SF3B3: variants seen among roughly 807,000 people sequenced by gnomAD.
SF3B3 encodes the protein splicing factor 3b subunit 3, also known as SAP 130.
A neutral mutation model predicts 139.2 loss-of-function variants in SF3B3; 33 were observed. The observed-to-expected ratio is 0.24, with a 90% CI of 0.18 to 0.32. SF3B3 has a LOEUF of 0.32. Ranked by LOEUF, SF3B3 falls within the 10% of genes least tolerant of loss-of-function variation. SF3B3 has a pLI of 1.00. For synonymous variants in SF3B3, 596 were observed against 563.6 expected (o/e 1.06, Z -0.81); for missense variants, 818 against 1,509.4 (o/e 0.54, Z 7.59).
At chr16:70,569,906 A>G in intron 23 of SF3B3, 100 bp from the exon 24 acceptor site, 1 of 1,337,882 alleles carries the variant, frequency 7.5e-7, no homozygotes, top group Non-Finnish European at 1.0e-6. Context: ...TTGGATGTTA[A>G]TAGATGATGA....
chr16:70,526,865 G>A (rs191857215), intron 2 of SF3B3, 139 bp downstream of exon 2: 44 of 644,808 alleles, frequency 6.8e-5, no homozygotes, highest in Middle Eastern at 3.9e-4. Flanking sequence ...ATGAGATGAG[G>A]TGTTAAGTTC....
intron 11 of SF3B3, among the ~76,000 whole-genome samples, chr16:70,552,501 G>A (rs1399530124): frequency 6.6e-6 from 1 of 152,192 alleles, no homozygotes; most frequent in East Asian, 1.9e-4. Context: ...TTATGATAGT[G>A]AGTAGTGCTT....
chr16:70,545,366 C>G (rs1415197595), intron 10 of SF3B3, among the ~76,000 whole-genome samples: 7 of 152,218 alleles, frequency 4.6e-5, no homozygotes, highest in Admixed American at 3.9e-4. Flanking sequence ...CGCACCTGGC[C>G]AAGTAGCATA....
intron 23 of SF3B3, 63 bp downstream of exon 23, chr16:70,569,204 G>A: frequency 8.5e-7 from 1 of 1,169,750 alleles, no homozygotes; most frequent in Non-Finnish European, 1.2e-6. Context: ...TGCCCTCACT[G>A]AAGAAATTGC....
At chr16:70,534,818 A>G (rs1284980287) in intron 5 of SF3B3, among the ~76,000 whole-genome samples, 1 of 151,886 alleles carries the variant, frequency 6.6e-6, no homozygotes, top group Admixed American at 6.6e-5. Flanking sequence ...ACAGGCGCCC[A>G]CCACCATGCC....
chr16:70,567,716 C>T (rs1233006047), intron 21 of SF3B3, among the ~76,000 whole-genome samples, 180 bp downstream of exon 21: 2 of 152,196 alleles, frequency 1.3e-5, no homozygotes, highest in Non-Finnish European at 2.9e-5. Flanking sequence ...GACGGAGTCT[C>T]GCCCTGTTGC....
At chr16:70,555,274 C>G in intron 13 of SF3B3, 68 bp downstream of exon 13, 1 of 1,405,424 alleles carries the variant, frequency 7.1e-7, no homozygotes, top group Non-Finnish European at 1.0e-6. Context: ...GCATTGTAGT[C>G]TAGTCATTTA....
At chr16:70,569,788 C>T (rs2050510849) in intron 23 of SF3B3, 2 of 518,344 alleles carry the variant, frequency 3.9e-6, no homozygotes, top group Non-Finnish European at 6.9e-6. Flanking sequence ...GCCACCAAAC[C>T]TGGCAGATTT....
chr16:70,544,870 C>G (rs1386543280), intron 10 of SF3B3, among the ~76,000 whole-genome samples: 1 of 151,966 alleles, frequency 6.6e-6, no homozygotes, highest in Non-Finnish European at 1.5e-5. Flanking sequence ...TTTTTCTATT[C>G]CTCAACTTGT....
intron 22 of SF3B3, 117 bp downstream of exon 22, chr16:70,568,612 A>G (rs945315749): frequency 2.2e-5 from 17 of 771,054 alleles, no homozygotes; most frequent in Admixed American, 4.9e-5. Flanking sequence ...ATAAAATTCC[A>G]TCCTACTAAA....
Position 70,555,303 on chromosome 16 carries a change from TC to T in SF3B3, c.1710+99del, listed in dbSNP as rs765779906. ...TCATTTAGATGATAGTATGGTGAAATCCTGTCTCTACTAAAAATACAAAAAT... is the reference window on the plus strand; with the variant it reads ...TCATTTAGATGATAGTATGGTGAAATCTGTCTCTACTAAAAATACAAAAAT... On this transcript the variant is annotated intron_variant, in intron 13 of 25. Coordinates refer to ENST00000302516, the MANE Select transcript of SF3B3 (RefSeq NM_012426.5). 1.1e-5 allele frequency: 13 copies of T among 1,176,548 alleles called. No individual in the cohort carries two copies. In the East Asian group the frequency reaches 1.7e-4, roughly 15 times the overall value. The allele number at this position is 1,176,548 out of a possible 1,614,324, so 72.9% of individuals were successfully genotyped here.
intron 8 of SF3B3, among the ~76,000 whole-genome samples, chr16:70,541,259 C>G (rs529131262): frequency 2.0e-5 from 3 of 152,142 alleles, no homozygotes; most frequent in African/African-American, 7.2e-5. Context: ...AATGTCTATT[C>G]AAATCCCATT....
At chr16:70,537,759 G>A (rs1017419804) in intron 6 of SF3B3, among the ~76,000 whole-genome samples, 2 of 152,180 alleles carry the variant, frequency 1.3e-5, no homozygotes, top group African/African-American at 4.8e-5. Context: ...CTCGGTGGGA[G>A]AAATAGAAAC....
At chr16:70,524,886 T>C (rs1480635781) in intron 1 of SF3B3, 1 of 152,178 alleles carries the variant, frequency 6.6e-6, no homozygotes, top group African/African-American at 2.4e-5. Context: ...TTCACTGTGT[T>C]AGCCAGGATG....
chr16:70,562,399 G>C (rs1049204399), intron 17 of SF3B3, among the ~76,000 whole-genome samples: 2 of 152,134 alleles, frequency 1.3e-5, no homozygotes, highest in African/African-American at 4.8e-5. Context: ...CCTCTTGATA[G>C]ATTAATCACT....
At chr16:70,559,735 T>G (rs1312043510) in intron 15 of SF3B3, among the ~76,000 whole-genome samples, 1 of 151,946 alleles carries the variant, frequency 6.6e-6, no homozygotes, top group Non-Finnish European at 1.5e-5. Flanking sequence ...CATCATAAAC[T>G]TGTGGATTTT....
chr16:70,566,365 C>G (rs114797648), intron 20 of SF3B3, among the ~76,000 whole-genome samples: 4,839 of 152,058 alleles, frequency 0.032, 289 homozygotes, highest in African/African-American at 0.11. Flanking sequence ...GAGTTCAAAA[C>G]CAGTCTGGTC....
chr16:70,571,146 C>G lies in SF3B3; in HGVS notation c.3460C>G (p.Pro1154Ala). 1 of 1,614,088 alleles carries G rather than the reference C, an allele frequency of 6.2e-7. No homozygotes were observed. Among genetic ancestry groups the G allele is most frequent in the Non-Finnish European group, 8.5e-7 (1 of 1,180,002 alleles). ...VEMHLRSEHP[P>A]LCGRDHLSFR... is the part of the protein sequence containing the mutation. ...AATGCACCTGCGGTCTGAACATCCC[C>G]CTCTCTGTGGGCGGGACCACCTCAG... Residue 1154 changes from proline (P) to alanine (A), a missense_variant, in exon 25 of 26, where the codon CCT becomes GCT. Physicochemically the swap from Pro to Ala is conservative, Grantham distance 27. This residue lies in a region of SF3B3 where 44 missense variants were observed against 40.4 expected (regional missense o/e 1.09). Coordinates refer to ENST00000302516, the MANE Select transcript of SF3B3 (RefSeq NM_012426.5).
intron 9 of SF3B3, 59 bp downstream of exon 9, chr16:70,541,893 C>A: frequency 2.1e-6 from 3 of 1,410,814 alleles, no homozygotes; most frequent in South Asian, 1.3e-5. Flanking sequence ...GAGGTCTAGT[C>A]TAAGAAATAG....
Sources: gnomAD v4.1 joint callset for allele counts (sites outside exome capture counted in the v4.1 genomes callset) on GRCh38, gnomAD v4.1.1 for gene constraint, gnomAD v4.1.1 regional missense constraint, MANE v1.5 for transcripts, NCBI Gene and HGNC (gene_info 2026-07-23, HGNC 2026-07-21) for gene names.